Variants in HLCS observed in about 807,000 individuals in gnomAD.
The protein encoded by HLCS is holocarboxylase synthetase.
In HLCS, 53 loss-of-function variants were observed where a neutral mutation model predicts 75.0. That is an observed-to-expected ratio of 0.71 (90% CI 0.57 to 0.89). HLCS has a LOEUF of 0.89. HLCS is among the 40% of genes least tolerant of loss of function. HLCS has a pLI of 0.00. For missense variants in HLCS, 966 were observed against 1,074.0 expected (o/e 0.90, Z 1.41); for synonymous variants, 431 against 428.6 (o/e 1.01, Z -0.07).
At chr21:36,818,503 A>G (rs1234423691) in intron 6 of HLCS, among the ~76,000 whole-genome samples, 1 of 152,176 alleles carries the variant, frequency 6.6e-6, no homozygotes, top group Non-Finnish European at 1.5e-5. Context: ...CCTGCAGCCA[A>G]AATATTTTTA....
intron 8 of HLCS, among the ~76,000 whole-genome samples, chr21:36,762,869 G>A (rs2089901326): frequency 6.6e-6 from 1 of 152,162 alleles, no homozygotes; most frequent in Non-Finnish European, 1.5e-5. Context: ...AAGAATGCTC[G>A]CTAAGGGAAC....
intron 6 of HLCS, among the ~76,000 whole-genome samples, chr21:36,795,204 A>C (rs1432345963): frequency 6.6e-6 from 1 of 152,164 alleles, no homozygotes; most frequent in Non-Finnish European, 1.5e-5. Context: ...TTTTTAGCAA[A>C]CACGAAGCAT....
intron 5 of HLCS, among the ~76,000 whole-genome samples, chr21:36,925,690 G>A (rs922101708): frequency 1.4e-4 from 22 of 152,208 alleles, no homozygotes; most frequent in Non-Finnish European, 2.5e-4. Context: ...GGTCCCAGCC[G>A]GTCCTAACCC....
chr21:36,974,019 C>G (rs73901988), intron 1 of HLCS: 4,824 of 152,528 alleles, frequency 0.032, 182 homozygotes, highest in African/African-American at 0.09. Context: ...AACAAACGGA[C>G]ACACACCACA....
chr21:36,869,097 A>AATTT (rs71198837), intron 6 of HLCS, among the ~76,000 whole-genome samples: 8,903 of 108,902 alleles, frequency 0.082, 382 homozygotes, highest in Non-Finnish European at 0.1. Context: ...AAAGATGTTT[A>AATTT]ATTTATTTAT....
chr21:36,769,772 C>T (rs766873209), intron 6 of HLCS, among the ~76,000 whole-genome samples: 9 of 152,166 alleles, frequency 5.9e-5, no homozygotes, highest in Non-Finnish European at 8.8e-5. Context: ...GGAGGCTCTG[C>T]CAATGGAACT....
intron 5 of HLCS, among the ~76,000 whole-genome samples, chr21:36,910,645 T>TTA (rs1448101576): frequency 6.6e-6 from 1 of 152,028 alleles, no homozygotes; most frequent in Non-Finnish European, 1.5e-5. Flanking sequence ...GGGTGGGCGT[T>TTA]TATTCAGCGT....
At chr21:36,918,325 A>G (rs147644379) in intron 5 of HLCS, among the ~76,000 whole-genome samples, 2 of 152,372 alleles carry the variant, frequency 1.3e-5, no homozygotes, top group East Asian at 1.9e-4. Flanking sequence ...CTAGTGCCAC[A>G]GATTCACACC....
chr21:36,898,614 G>T lies in HLCS; in HGVS notation c.1621-1483C>A, dbSNP rs150036555. Among the ~76,000 whole-genome samples, 608 of 152,058 alleles carry T rather than the reference G, an allele frequency of 4.0e-3. 2 individuals are homozygous for T. The highest frequency in any genetic ancestry group is 0.014 in the African/African-American group (582 of 41,458). On this transcript the variant is annotated intron_variant, in intron 5 of 10. Transcript: ENST00000674895. ...GGGAGACCCCGTCTAGATTAGAAGGGGCTTAAAAGACATAATGAAACACAA... is the reference window on the plus strand; with the variant it reads ...GGGAGACCCCGTCTAGATTAGAAGGTGCTTAAAAGACATAATGAAACACAA...
chr21:36,967,003 G>A (rs529011263), upstream of HLCS, among the ~76,000 whole-genome samples: 3 of 152,092 alleles, frequency 2.0e-5, no homozygotes, highest in South Asian at 4.2e-4. Context: ...GCCGCGCCAG[G>A]GCTGAGGAGT....
At chr21:36,889,414 A>C (rs1488956080) in intron 6 of HLCS, among the ~76,000 whole-genome samples, 1 of 152,228 alleles carries the variant, frequency 6.6e-6, no homozygotes, top group Non-Finnish European at 1.5e-5. Flanking sequence ...TGGCCAAATA[A>C]AAGATGATTC....
rs77273296 is a variant in HLCS, at chr21:36,922,227, C to G, written c.1620+8024G>C. Among the ~76,000 whole-genome samples the G allele has an allele frequency of 2.7e-3, 417 of 152,134 alleles. 2 individuals are homozygous for G. Among genetic ancestry groups the G allele is most frequent in the African/African-American group, 9.8e-3 (407 of 41,516 alleles). On this transcript the variant is annotated intron_variant, in intron 5 of 10. Coordinates refer to ENST00000674895, the MANE Select transcript of HLCS (RefSeq NM_001352514.2). ...ATCATAGTCTTTAACTCCAATATCT[C>G]CTTTTTAGAAAAAAATATTTATTTT...
chr21:36,780,337 G>C (rs1232840233), intron 6 of HLCS, among the ~76,000 whole-genome samples: 1 of 152,066 alleles, frequency 6.6e-6, no homozygotes, highest in African/African-American at 2.4e-5. Context: ...TCCTGCCTCA[G>C]CCTCCCAAGT....
At chr21:36,799,641 T>C (rs1035745271) in intron 6 of HLCS, among the ~76,000 whole-genome samples, 1 of 152,160 alleles carries the variant, frequency 6.6e-6, no homozygotes, top group Non-Finnish European at 1.5e-5. Context: ...GGCTGCGGCC[T>C]GAACACCCCA....
chr21:36,962,250 A>T (rs1468131701), intron 1 of HLCS, 80 bp from the exon 2 acceptor site: 1 of 935,758 alleles, frequency 1.1e-6, no homozygotes, highest in Non-Finnish European at 1.5e-6. Context: ...TCTGAAACAT[A>T]CCCTCCCCTA....
At chr21:36,975,592 G>C (rs989487676) in intron 1 of HLCS, among the ~76,000 whole-genome samples, 35 of 152,142 alleles carry the variant, frequency 2.3e-4, no homozygotes, top group African/African-American at 8.2e-4. Context: ...AAGCAACATA[G>C]TGAGACCCCA....
intron 6 of HLCS, among the ~76,000 whole-genome samples, chr21:36,892,321 G>T (rs2064820815): frequency 6.6e-6 from 1 of 152,222 alleles, no homozygotes; most frequent in Non-Finnish European, 1.5e-5. Context: ...AGGCAAGAGA[G>T]TTCCCGGAGG....
intron 6 of HLCS, among the ~76,000 whole-genome samples, chr21:36,859,934 A>G (rs2063326589): frequency 2.0e-5 from 3 of 152,194 alleles, no homozygotes; most frequent in Admixed American, 2.0e-4. Context: ...CTGGCTGCCT[A>G]AGGGCACACT....
intron 6 of HLCS, among the ~76,000 whole-genome samples, chr21:36,894,304 T>C (rs957032940): frequency 6.6e-6 from 1 of 152,198 alleles, no homozygotes; most frequent in Non-Finnish European, 1.5e-5. Context: ...TCTCAGTTCT[T>C]TATAGCAATG....
Sources: allele counts gnomAD v4.1 joint callset (sites outside exome capture counted in the v4.1 genomes callset), GRCh38; gene constraint gnomAD v4.1.1; transcripts MANE v1.5; gene names NCBI Gene and HGNC (gene_info 2026-07-23, HGNC 2026-07-21).